MAST4: variants seen among roughly 807,000 people sequenced by gnomAD.
MAST4 encodes the protein microtubule-associated serine/threonine-protein kinase 4.
Under a neutral mutation model 162.7 loss-of-function variants are expected in MAST4, and 89 were observed. The observed-to-expected ratio is 0.55, with a 90% CI of 0.46 to 0.65. The LOEUF is 0.65. Ranked by LOEUF, MAST4 falls within the 30% of genes least tolerant of loss-of-function variation. The probability of loss-of-function intolerance (pLI) is 0.00; values close to 1 mark genes in which losing one functional copy is unlikely to be tolerated. For missense variants in MAST4, 3,153 were observed against 3,374.0 expected (o/e 0.93, Z 1.62); for synonymous variants, 1,479 against 1,361.1 (o/e 1.09, Z -1.91).
At chr5:66,858,864 G>A (rs1759878818) in intron 3 of MAST4, among the ~76,000 whole-genome samples, 1 of 151,980 alleles carries the variant, frequency 6.6e-6, no homozygotes, top group Non-Finnish European at 1.5e-5. Context: ...CTATATAGAT[G>A]TTGTTCATCC....
chr5:67,079,894 G>T (rs1762404199), intron 5 of MAST4, among the ~76,000 whole-genome samples: 1 of 152,176 alleles, frequency 6.6e-6, no homozygotes, highest in Non-Finnish European at 1.5e-5. Flanking sequence ...TGGGTTAGAG[G>T]CTTGTGGTCA....
At chr5:67,101,802 C>G (rs1034377225) in intron 8 of MAST4, among the ~76,000 whole-genome samples, 1 of 151,838 alleles carries the variant, frequency 6.6e-6, no homozygotes, top group Non-Finnish European at 1.5e-5. Context: ...CCATGTTTTA[C>G]TACATTGGTG....
At chr5:66,883,972 C>T (rs1208770727) in intron 3 of MAST4, among the ~76,000 whole-genome samples, 1 of 152,160 alleles carries the variant, frequency 6.6e-6, no homozygotes, top group Non-Finnish European at 1.5e-5. Context: ...ACATCGTAAG[C>T]CACCTGCCTC....
chr5:67,033,233 G>A (rs1755571480), intron 4 of MAST4, among the ~76,000 whole-genome samples: 1 of 150,668 alleles, frequency 6.6e-6, no homozygotes, highest in South Asian at 2.1e-4. Context: ...TTAAAAAGTG[G>A]CAGCTATTAA....
intron 21 of MAST4, 50 bp downstream of exon 21, chr5:67,142,583 C>A: frequency 8.0e-7 from 1 of 1,253,100 alleles, no homozygotes; most frequent in Non-Finnish European, 1.1e-6. Flanking sequence ...GAGGATCTCC[C>A]GCTGGCCAGA....
chr5:66,708,298 T>C (rs540013229), intron 1 of MAST4, among the ~76,000 whole-genome samples: 22 of 152,304 alleles, frequency 1.4e-4, no homozygotes, highest in African/African-American at 4.8e-4. Context: ...GAACTTTGGT[T>C]TCTTGACTAG....
rs571659003 is a variant in MAST4, at chr5:67,111,363, T to C, written c.1458+1164T>C. Among the ~76,000 whole-genome samples, 5 of 152,338 alleles carry C rather than the reference T, an allele frequency of 3.3e-5. No homozygotes were observed. The East Asian group carries it at 5.8e-4, about 18-fold the overall frequency. ...CATAATAATTTATAATAGTGAAATA[T>C]TCGCAGCACCATAAATACGTACTAG... On this transcript the variant is annotated intron_variant, in intron 11 of 28. Coordinates refer to ENST00000403625, the MANE Select transcript of MAST4 (RefSeq NM_001164664.2).
intron 3 of MAST4, among the ~76,000 whole-genome samples, chr5:66,844,018 G>A (rs1284036545): frequency 1.3e-5 from 2 of 152,094 alleles, no homozygotes; most frequent in Non-Finnish European, 2.9e-5. Context: ...CCTCATGCAA[G>A]GAGGGTGTCT....
intron 1 of MAST4, among the ~76,000 whole-genome samples, chr5:66,693,170 G>A (rs966503764): frequency 1.3e-5 from 2 of 151,870 alleles, no homozygotes; most frequent in East Asian, 3.9e-4. Flanking sequence ...CAATCCCCCG[G>A]GAACTAATGT....
intron 3 of MAST4, among the ~76,000 whole-genome samples, chr5:66,836,809 T>C (rs1007710423): frequency 6.6e-5 from 10 of 151,700 alleles, no homozygotes; most frequent in African/African-American, 2.4e-4. Flanking sequence ...GGGAGGAGGG[T>C]GAGGACAAAA....
At chr5:67,014,462 G>T (rs906887934) in intron 4 of MAST4, among the ~76,000 whole-genome samples, 1 of 152,168 alleles carries the variant, frequency 6.6e-6, no homozygotes, top group Non-Finnish European at 1.5e-5. Context: ...GCCTCTAAGC[G>T]TATGAATCAT....
At chr5:67,123,312 A>C (rs1767804381) in intron 14 of MAST4, among the ~76,000 whole-genome samples, 1 of 152,344 alleles carries the variant, frequency 6.6e-6, no homozygotes, top group Admixed American at 6.5e-5. Flanking sequence ...TCAGCATCAT[A>C]CTTGGTGAAA....
chr5:66,720,826 CTCTGTCCTCAAACTTTAAACA>C (rs1561285344), intron 1 of MAST4, among the ~76,000 whole-genome samples: 3 of 151,934 alleles, frequency 2.0e-5, no homozygotes. Context: ...TTCTCATTTT[CTCTGTCCTCAAACTTTAAACA>C]TCTGTCCTTT....
chr5:67,005,267 TG>T (rs1667541613), intron 4 of MAST4, among the ~76,000 whole-genome samples: 1 of 152,346 alleles, frequency 6.6e-6, no homozygotes, highest in African/African-American at 2.4e-5. Context: ...TGTGGTTTCC[TG>T]GGTAACCCTG....
At chr5:67,080,572 A>C (rs1762482687) in intron 5 of MAST4, among the ~76,000 whole-genome samples, 1 of 152,174 alleles carries the variant, frequency 6.6e-6, no homozygotes, top group South Asian at 2.1e-4. Context: ...ACAGAACATA[A>C]ATGAAAGGAC....
chr5:66,731,367 T>C (rs1416564482), intron 1 of MAST4, among the ~76,000 whole-genome samples: 1 of 152,226 alleles, frequency 6.6e-6, no homozygotes, highest in Non-Finnish European at 1.5e-5. Context: ...ATCACCTTTC[T>C]TGGGAGTTTG....
intron 12 of MAST4, among the ~76,000 whole-genome samples, chr5:67,116,009 C>G (rs906163647): frequency 1.3e-5 from 2 of 152,042 alleles, no homozygotes; most frequent in Non-Finnish European, 2.9e-5. Context: ...AGTTTTCTTA[C>G]CTGGCAATCA....
chr5:67,116,762 G>A (rs1454248964), intron 12 of MAST4, among the ~76,000 whole-genome samples: 1 of 152,026 alleles, frequency 6.6e-6, no homozygotes, highest in Non-Finnish European at 1.5e-5. Flanking sequence ...GTTGCAGTGA[G>A]CCGAGATGGC....
chr5:66,759,575 CA>C, intron 1 of MAST4, 133 bp from the exon 2 acceptor site: 1 of 1,116,954 alleles, frequency 9.0e-7, no homozygotes, highest in South Asian at 2.0e-5. Flanking sequence ...TCTAACGTAG[CA>C]AAATTGAACA....
Sources: gnomAD v4.1 joint callset for allele counts (sites outside exome capture counted in the v4.1 genomes callset) on GRCh38, gnomAD v4.1.1 for gene constraint, MANE v1.5 for transcripts, NCBI Gene and HGNC (gene_info 2026-07-23, HGNC 2026-07-21) for gene names.